CNTNAP2: variants seen among roughly 807,000 people sequenced by gnomAD.
CNTNAP2 encodes contactin associated protein 2.
Under a neutral mutation model 155.2 loss-of-function variants are expected in CNTNAP2, and 98 were observed. The observed-to-expected ratio is 0.63, with a 90% CI of 0.54 to 0.75. The LOEUF (loss-of-function observed/expected upper bound fraction) is 0.75, where lower values mean the gene tolerates loss of function less well. Ranked by LOEUF, CNTNAP2 falls within the 30% of genes least tolerant of loss-of-function variation. The probability of loss-of-function intolerance (pLI) is 0.00; values close to 1 mark genes in which losing one functional copy is unlikely to be tolerated. For synonymous variants in CNTNAP2, 651 were observed against 631.2 expected (o/e 1.03, Z -0.47); for missense variants, 1,727 against 1,688.1 (o/e 1.02, Z -0.40).
intron 15 of CNTNAP2, among the ~76,000 whole-genome samples, chr7:148,053,362 C>T (rs568286609): frequency 3.0e-4 from 46 of 152,206 alleles, no homozygotes; most frequent in African/African-American, 9.9e-4. Flanking sequence ...AATCTGCTAT[C>T]TTACCTTTTT....
intron 21 of CNTNAP2, among the ~76,000 whole-genome samples, chr7:148,382,751 C>G (rs1480687084): frequency 6.6e-6 from 1 of 152,250 alleles, no homozygotes; most frequent in Non-Finnish European, 1.5e-5. Context: ...CTGGAATTAT[C>G]TTTCTCACAC....
intron 18 of CNTNAP2, among the ~76,000 whole-genome samples, chr7:148,177,963 C>T (rs563945905): frequency 8.7e-4 from 130 of 149,668 alleles, no homozygotes; most frequent in Non-Finnish European, 1.6e-3. Context: ...AGCAAACATT[C>T]ATTGAACACC....
intron 15 of CNTNAP2, among the ~76,000 whole-genome samples, chr7:148,027,466 C>A (rs2116926121): frequency 6.6e-6 from 1 of 152,106 alleles, no homozygotes; most frequent in East Asian, 1.9e-4. Flanking sequence ...GGCAGACATC[C>A]AGGATGGACA....
chr7:146,874,030 A>G (rs1184508027), intron 3 of CNTNAP2, among the ~76,000 whole-genome samples: 1 of 151,884 alleles, frequency 6.6e-6, no homozygotes, highest in Non-Finnish European at 1.5e-5. Context: ...GGAGAAATAA[A>G]TCAGAAAGAG....
chr7:147,413,797 C>G (rs901380341), intron 10 of CNTNAP2, among the ~76,000 whole-genome samples: 1 of 152,142 alleles, frequency 6.6e-6, no homozygotes, highest in Non-Finnish European at 1.5e-5. Flanking sequence ...GCCTCTGCAT[C>G]TGGGCCCCCA....
chr7:146,391,425 CCT>C (rs1795542583), intron 1 of CNTNAP2, among the ~76,000 whole-genome samples: 1 of 151,908 alleles, frequency 6.6e-6, no homozygotes, highest in Admixed American at 6.6e-5. Flanking sequence ...TATAGCCTCC[CCT>C]GTGTGTTTTT....
intron 1 of CNTNAP2, among the ~76,000 whole-genome samples, chr7:146,464,237 AC>A (rs1796684124): frequency 6.8e-6 from 1 of 148,110 alleles, no homozygotes; most frequent in Non-Finnish European, 1.5e-5. Flanking sequence ...CAAACAACAA[AC>A]AAATGAAACC....
intron 4 of CNTNAP2, among the ~76,000 whole-genome samples, chr7:147,107,473 C>T (rs1027042494): frequency 6.6e-6 from 1 of 152,076 alleles, no homozygotes; most frequent in Admixed American, 6.6e-5. Context: ...GTGAAGATAT[C>T]TGTGTCCAAT....
At chr7:147,971,349 T>C (rs1801332036) in intron 14 of CNTNAP2, among the ~76,000 whole-genome samples, 1 of 152,152 alleles carries the variant, frequency 6.6e-6, no homozygotes. Context: ...TGTACAAGTG[T>C]ACAGGTTTTT....
At chr7:146,681,423 TGGGTGGG>T (rs1397535161) in intron 1 of CNTNAP2, among the ~76,000 whole-genome samples, 1 of 89,716 alleles carries the variant, frequency 1.1e-5, no homozygotes, top group African/African-American at 4.3e-5. Flanking sequence ...CAGGGTCCTG[TGGGTGGG>T]GGGTGGAGGG....
chr7:146,506,415 G>T (rs1302540518), intron 1 of CNTNAP2, among the ~76,000 whole-genome samples: 1 of 152,158 alleles, frequency 6.6e-6, no homozygotes, highest in Non-Finnish European at 1.5e-5. Flanking sequence ...AGCACTTATT[G>T]ACCTATTCCA....
At chr7:148,114,242 G>A (rs978974486) in intron 15 of CNTNAP2, among the ~76,000 whole-genome samples, 1 of 152,226 alleles carries the variant, frequency 6.6e-6, no homozygotes, top group African/African-American at 2.4e-5. Flanking sequence ...TGGTGTGCTA[G>A]TGGAAGCAGT....
chr7:146,715,358 T>C (rs553367316), intron 1 of CNTNAP2, among the ~76,000 whole-genome samples: 2 of 152,204 alleles, frequency 1.3e-5, no homozygotes, highest in African/African-American at 4.8e-5. Context: ...CAAAACTCTA[T>C]GGAGTCAAAG....
intron 15 of CNTNAP2, among the ~76,000 whole-genome samples, chr7:147,983,985 C>T (rs535111261): frequency 1.1e-3 from 171 of 152,110 alleles, no homozygotes; most frequent in African/African-American, 3.8e-3. Context: ...AATTTTCCCC[C>T]ACAAAAAAAC....
intron 3 of CNTNAP2, among the ~76,000 whole-genome samples, chr7:146,879,056 G>C (rs1253635050): frequency 6.6e-6 from 1 of 152,176 alleles, no homozygotes; most frequent in Non-Finnish European, 1.5e-5. Flanking sequence ...CAGGCTTGTA[G>C]TAACTGCTCC....
intron 11 of CNTNAP2, among the ~76,000 whole-genome samples, chr7:147,530,775 A>G (rs4326308): frequency 0.16 from 24,155 of 152,108 alleles, 2,081 homozygotes; most frequent in Admixed American, 0.23. Flanking sequence ...TGCCTTCCCA[A>G]TAGTCCCCCA....
Position 146,526,321 on chromosome 7 carries a change from A to T in CNTNAP2, c.98-247950A>T, listed in dbSNP as rs539637715. On this transcript the variant is annotated intron_variant, in intron 1 of 23. Coordinates refer to ENST00000361727, the MANE Select transcript of CNTNAP2 (RefSeq NM_014141.6). ...TCCTAAGATCGAGTAATTTATAAGG[A>T]AATGTTTAATTTGCACACAGTTCTT... Among the ~76,000 whole-genome samples the T allele has an allele frequency of 1.5e-4, 23 of 152,276 alleles. 1 individual carries two copies. The South Asian group carries it at 4.6e-3, about 30-fold the overall frequency.
chr7:147,501,333 TC>T (rs1209711470), intron 11 of CNTNAP2, among the ~76,000 whole-genome samples: 7 of 151,788 alleles, frequency 4.6e-5, no homozygotes, highest in African/African-American at 1.7e-4. Flanking sequence ...AAGACAAGGA[TC>T]CCCACTCCTG....
intron 4 of CNTNAP2, among the ~76,000 whole-genome samples, chr7:147,090,393 G>A (rs1800377334): frequency 6.6e-6 from 1 of 151,744 alleles, no homozygotes; most frequent in South Asian, 2.1e-4. Context: ...GTACTGTTGT[G>A]CTAGGCTAAA....
Sources: gnomAD v4.1 joint callset for allele counts (sites outside exome capture counted in the v4.1 genomes callset) on GRCh38, gnomAD v4.1.1 for gene constraint, MANE v1.5 for transcripts, NCBI Gene and HGNC (gene_info 2026-07-23, HGNC 2026-07-21) for gene names.